Variants in FYB2 observed in about 807,000 individuals in gnomAD.
The protein encoded by FYB2 is FYN binding protein 2.
FYB2 carries 103 observed loss-of-function variants against 94.1 expected under a neutral mutation model. That is an observed-to-expected ratio of 1.09 (90% CI 0.93 to 1.29). The LOEUF (loss-of-function observed/expected upper bound fraction) is 1.29, where lower values mean the gene tolerates loss of function less well. Among genes scored for constraint, FYB2 ranks in the 50% most tolerant of loss-of-function variants. The probability of loss-of-function intolerance (pLI) is 0.00; values close to 1 mark genes in which losing one functional copy is unlikely to be tolerated. For missense variants in FYB2, 896 were observed against 841.5 expected, an observed-to-expected ratio of 1.06 and a Z score of -0.80; for synonymous variants, 293 against 287.9, an observed-to-expected ratio of 1.02 and a Z score of -0.18.
intron 1 of FYB2, among the ~76,000 whole-genome samples, chr1:56,800,741 C>T (rs756597773): frequency 1.1e-4 from 16 of 152,146 alleles, no homozygotes; most frequent in Non-Finnish European, 1.9e-4. Flanking sequence ...GAGACTGCGC[C>T]TCCTCTAGTT....
intron 17 of FYB2, among the ~76,000 whole-genome samples, chr1:56,721,274 A>T (rs760529176): frequency 2.0e-5 from 3 of 151,988 alleles, no homozygotes; most frequent in Non-Finnish European, 4.4e-5. Flanking sequence ...TACTTCTCCA[A>T]ATTAGTGTGA....
chr1:56,719,791 TTG>T, intron 19 of FYB2, 99 bp from the exon 20 acceptor site: 2 of 1,190,032 alleles, frequency 1.7e-6, no homozygotes, highest in Admixed American at 2.3e-5. Context: ...TTTAATATGT[TTG>T]TGTTCTTTTA....
rs1015813406 is a variant in FYB2 at position 56,719,928 on chromosome 1, A to C, written c.2165+94T>G. 6.8e-6 allele frequency: 9 copies of C among 1,317,614 alleles called. No homozygotes were observed. The African/African-American group carries it at 1.3e-4, about 20-fold the overall frequency. The allele number at this position is 1,317,614 out of a possible 1,614,324, so 81.6% of individuals were successfully genotyped here. Reference sequence around the variant, plus strand: ...TGTCTAATTTTTAAAACTTATCCTGAATTTCAATAAATTCAGTAGTCTTCT... The same window carrying C: ...TGTCTAATTTTTAAAACTTATCCTGCATTTCAATAAATTCAGTAGTCTTCT... On this transcript the variant is annotated intron_variant, in intron 19 of 19. Transcript: ENST00000343433.
intron 5 of FYB2, among the ~76,000 whole-genome samples, 172 bp from the exon 6 acceptor site, chr1:56,758,922 C>T (rs1645422611): frequency 6.6e-6 from 1 of 152,114 alleles, no homozygotes; most frequent in Admixed American, 6.5e-5. Context: ...GGTCAGTGAT[C>T]ATGGTTTTAA....
chr1:56,821,833 C>A (rs1646994679), upstream of FYB2, among the ~76,000 whole-genome samples: 2 of 152,176 alleles, frequency 1.3e-5, no homozygotes, highest in South Asian at 2.1e-4. Context: ...TCATACATGA[C>A]TACATGGGAG....
intron 1 of FYB2, 36 bp from the exon 2 acceptor site, chr1:56,792,839 C>G: frequency 6.5e-7 from 1 of 1,540,740 alleles, no homozygotes; most frequent in Non-Finnish European, 8.7e-7. Context: ...CAAACAAAAA[C>G]AAAAACAAAC....
chr1:56,819,487 C>T (rs550221520), upstream of FYB2: 90 of 699,114 alleles, frequency 1.3e-4, no homozygotes, highest in Middle Eastern at 1.2e-3. Flanking sequence ...CAGGGCCGGC[C>T]GCCATCCTCC....
intron 5 of FYB2, among the ~76,000 whole-genome samples, chr1:56,760,264 T>A (rs1192912828): frequency 6.6e-6 from 1 of 152,176 alleles, no homozygotes; most frequent in African/African-American, 2.4e-5. Flanking sequence ...GTTTTTCTCT[T>A]TCTTGCTGCT....
intron 4 of FYB2, among the ~76,000 whole-genome samples, chr1:56,786,120 C>A (rs1646127769): frequency 6.6e-6 from 1 of 152,156 alleles, no homozygotes; most frequent in African/African-American, 2.4e-5. Flanking sequence ...AATCCTAGAT[C>A]AGCCAACTGT....
At chr1:56,803,921 T>C (rs1381828806) in intron 1 of FYB2, among the ~76,000 whole-genome samples, 1 of 152,156 alleles carries the variant, frequency 6.6e-6, no homozygotes, top group African/African-American at 2.4e-5. Flanking sequence ...TTAACCTCTT[T>C]CTCCTCAGAC....
At chr1:56,822,725 T>G (rs916644465), upstream of FYB2, among the ~76,000 whole-genome samples, 1 of 139,342 alleles carries the variant, frequency 7.2e-6, no homozygotes, top group Non-Finnish European at 1.5e-5. Flanking sequence ...TAAGCAATGG[T>G]GTGAAACAGA....
At chr1:56,775,915 TCAAA>T (rs1645864680) in intron 4 of FYB2, among the ~76,000 whole-genome samples, 2 of 152,218 alleles carry the variant, frequency 1.3e-5, no homozygotes, top group South Asian at 2.1e-4. Context: ...TATTCACTCT[TCAAA>T]CAAACTATAT....
At chr1:56,806,684 A>G (rs934195416) in intron 1 of FYB2, among the ~76,000 whole-genome samples, 10 of 152,198 alleles carry the variant, frequency 6.6e-5, no homozygotes, top group Admixed American at 2.6e-4. Flanking sequence ...AGTGAAAAAC[A>G]AAGGGAGATA....
chr1:56,796,549 C>T (rs368201245), intron 1 of FYB2, among the ~76,000 whole-genome samples: 1 of 152,112 alleles, frequency 6.6e-6, no homozygotes, highest in Non-Finnish European at 1.5e-5. Context: ...AGACAAACCT[C>T]TTTAAAAACA....
intron 1 of FYB2, among the ~76,000 whole-genome samples, chr1:56,816,823 A>G (rs1237750867): frequency 6.6e-6 from 1 of 151,546 alleles, no homozygotes; most frequent in Non-Finnish European, 1.5e-5. Context: ...CCACTCTTCC[A>G]GATGTTCCAG....
At chr1:56,791,715 T>C (rs1311300733) in intron 2 of FYB2, among the ~76,000 whole-genome samples, 1 of 152,176 alleles carries the variant, frequency 6.6e-6, no homozygotes, top group African/African-American at 2.4e-5. Context: ...TTGTGTTGTT[T>C]ACCAAGACAG....
chr1:56,735,541 A>C (rs1644811322), intron 15 of FYB2, among the ~76,000 whole-genome samples: 1 of 152,082 alleles, frequency 6.6e-6, no homozygotes, highest in Non-Finnish European at 1.5e-5. Context: ...TATACCACTG[A>C]TATGGTCAGG....
chr1:56,820,317 T>A (rs1284759541), upstream of FYB2, among the ~76,000 whole-genome samples: 1 of 151,668 alleles, frequency 6.6e-6, no homozygotes, highest in South Asian at 2.1e-4. Context: ...AGAGCCAGGG[T>A]TGGAACCCAG....
At chr1:56,775,505 T>A (rs1645855292) in intron 4 of FYB2, among the ~76,000 whole-genome samples, 3 of 152,204 alleles carry the variant, frequency 2.0e-5, no homozygotes, top group Admixed American at 2.0e-4. Context: ...TGCCAAGCAC[T>A]GTTTCAATTA....
Sources: allele counts gnomAD v4.1 joint callset (sites outside exome capture counted in the v4.1 genomes callset), GRCh38; gene constraint gnomAD v4.1.1; transcripts MANE v1.5; gene names NCBI Gene and HGNC (gene_info 2026-07-23, HGNC 2026-07-21).